Variants in ANKS3 observed in about 807,000 individuals in gnomAD.
ANKS3 encodes the protein ankyrin repeat and SAM domain-containing protein 3.
In ANKS3, 62 loss-of-function variants were observed where a neutral mutation model predicts 80.7. The observed-to-expected ratio is 0.77, with a 90% CI of 0.63 to 0.95. The LOEUF (loss-of-function observed/expected upper bound fraction) is 0.95, where lower values mean the gene tolerates loss of function less well. Ranked by LOEUF, ANKS3 falls within the 40% of genes least tolerant of loss-of-function variation. ANKS3 has a pLI of 0.00. For synonymous variants in ANKS3, 489 were observed against 355.3 expected (o/e 1.38, Z -4.23); for missense variants, 1,150 against 883.6 (o/e 1.30, Z -3.82).
chr16:4,729,844 G>A, intron 3 of ANKS3, 136 bp downstream of exon 3: 1 of 887,324 alleles, frequency 1.1e-6, no homozygotes, highest in East Asian at 3.0e-5. Flanking sequence ...CTTACTGACA[G>A]CTGCCTGAGA....
intron 16 of ANKS3, 89 bp downstream of exon 16, chr16:4,697,244 G>C (rs777837837): frequency 3.7e-5 from 57 of 1,542,458 alleles, no homozygotes; most frequent in Non-Finnish European, 4.3e-5. Flanking sequence ...GGGGTAGAGA[G>C]ACACAAACCC....
chr16:4,726,947 G>C, intron 4 of ANKS3, 32 bp downstream of exon 4: 1 of 1,613,180 alleles, frequency 6.2e-7, no homozygotes, highest in African/African-American at 1.3e-5. Context: ...GAGCCCCTCA[G>C]GTTTCTGGGC....
At chr16:4,703,816 C>T (rs975081683) in intron 8 of ANKS3, among the ~76,000 whole-genome samples, 5 of 152,176 alleles carry the variant, frequency 3.3e-5, no homozygotes, top group Admixed American at 1.3e-4. Flanking sequence ...CACCTGAGAC[C>T]ACCACCATGA....
chr16:4,711,577 G>C (rs1273980755), intron 7 of ANKS3, among the ~76,000 whole-genome samples: 2 of 151,716 alleles, frequency 1.3e-5, no homozygotes, highest in African/African-American at 4.8e-5. Context: ...AATTATCCAG[G>C]CATGGTAGCG....
chr16:4,724,903 A>T (rs2081279546), intron 5 of ANKS3, 72 bp from the exon 6 acceptor site: 1 of 1,405,856 alleles, frequency 7.1e-7, no homozygotes, highest in South Asian at 1.2e-5. Context: ...CCTGCTGAAG[A>T]TAAACCCTGA....
At chr16:4,731,069 T>C (rs536356027) in intron 2 of ANKS3, among the ~76,000 whole-genome samples, 1 of 152,176 alleles carries the variant, frequency 6.6e-6, no homozygotes, top group Non-Finnish European at 1.5e-5. Flanking sequence ...CGTGAATGAA[T>C]TTCAAATGAT....
chr16:4,726,422 A>C (rs1188135532), intron 5 of ANKS3, among the ~76,000 whole-genome samples: 3 of 152,254 alleles, frequency 2.0e-5, no homozygotes, highest in African/African-American at 7.2e-5. Context: ...TTACAACTGT[A>C]TGACCCAGGT....
intron 15 of ANKS3, among the ~76,000 whole-genome samples, chr16:4,697,664 CG>C (rs1277121629): frequency 6.6e-6 from 1 of 152,222 alleles, no homozygotes; most frequent in African/African-American, 2.4e-5. Context: ...GGTGGGGACC[CG>C]GGTCTGGGCC....
chr16:4,698,229 C>T (rs545355636), intron 14 of ANKS3, 167 bp from the exon 15 acceptor site: 81 of 1,105,494 alleles, frequency 7.3e-5, no homozygotes, highest in African/African-American at 2.7e-4. Flanking sequence ...GGAGGGCGAC[C>T]GGTGCAGATT....
chr16:4,721,589 G>T lies in ANKS3; in HGVS notation c.573+3161C>A, dbSNP rs140378523. On this transcript the variant is annotated intron_variant, in intron 6 of 17. Transcript: ENST00000304283. ...CTGCACCACTCCACTCCAGCCTGAG[G>T]GACAGAGCAAGACCCCATCTCTTTA... Among the ~76,000 whole-genome samples the T allele has an allele frequency of 1.2e-3, 186 of 150,572 alleles. 1 individual carries two copies. The highest frequency in any genetic ancestry group is 4.2e-3 in the African/African-American group (173 of 41,340).
At chr16:4,720,489 A>G (rs77106805) in intron 6 of ANKS3, among the ~76,000 whole-genome samples, 2,942 of 150,322 alleles carry the variant, frequency 0.02, 126 homozygotes, top group Non-Finnish European at 0.031. Context: ...CTAACACCCT[A>G]AGGGGAGGGG....
At chr16:4,715,494 G>A (rs563607528) in intron 6 of ANKS3, among the ~76,000 whole-genome samples, 4 of 152,286 alleles carry the variant, frequency 2.6e-5, no homozygotes, top group African/African-American at 9.6e-5. Context: ...TACTCAGGAG[G>A]CTGAGGCAGG....
chr16:4,720,413 G>A (rs1354532700), intron 6 of ANKS3, among the ~76,000 whole-genome samples: 1 of 149,984 alleles, frequency 6.7e-6, no homozygotes, highest in Non-Finnish European at 1.5e-5. Context: ...AGTGAGCCGA[G>A]ATCGCGCCAC....
At chr16:4,712,737 T>C (rs1157165789) in intron 7 of ANKS3, among the ~76,000 whole-genome samples, 2 of 152,254 alleles carry the variant, frequency 1.3e-5, no homozygotes, top group East Asian at 3.9e-4. Flanking sequence ...TCCACTAAGA[T>C]CAGGACCAAG....
At chr16:4,709,018 C>G (rs1384719456) in intron 7 of ANKS3, among the ~76,000 whole-genome samples, 1 of 151,812 alleles carries the variant, frequency 6.6e-6, no homozygotes, top group Non-Finnish European at 1.5e-5. Flanking sequence ...ATAATCTCAG[C>G]ACTGTGGGAG....
At chr16:4,731,833 C>T (rs1185183882) in intron 1 of ANKS3, among the ~76,000 whole-genome samples, 2 of 152,048 alleles carry the variant, frequency 1.3e-5, no homozygotes, top group Admixed American at 6.6e-5. Flanking sequence ...GATGGGCCTA[C>T]ATGGGTAACG....
In ANKS3 at chr16:4,724,774, T is replaced by G. The variant is rs35182782; in HGVS notation, c.549A>C (p.Ile183=). The G allele has an allele frequency of 0.027, 42,915 of 1,613,882 alleles. 709 individuals are homozygous for G. The highest frequency in any genetic ancestry group is 0.032 in the Non-Finnish European group (37,200 of 1,179,862). Residue 183 remains isoleucine, a synonymous_variant, in exon 6 of 18, where the codon ATA becomes ATC. Coordinates refer to ENST00000304283, the MANE Select transcript of ANKS3 (RefSeq NM_133450.4). Reference sequence around the variant, plus strand: ...CGTGATTCAGAAAATACTGCACGATTATCTCATGGCCAGCAGCAGCTGCTT... The same window carrying G: ...CGTGATTCAGAAAATACTGCACGATGATCTCATGGCCAGCAGCAGCTGCTT... ...LMEAAAAGHE[I]IVQYFLNHGV...
At chr16:4,699,017 C>G in intron 12 of ANKS3, 35 bp downstream of exon 12, 3 of 1,614,132 alleles carry the variant, frequency 1.9e-6, no homozygotes, top group Non-Finnish European at 2.5e-6. Flanking sequence ...GCCCCAACCC[C>G]GGGCTGAGGG....
Position 4,699,077 on chromosome 16 carries a change from T to A in ANKS3, c.1384A>T (p.Ser462Cys), listed in dbSNP as rs745383444. The A allele has an allele frequency of 1.2e-6, 2 of 1,614,064 alleles. No individual in the cohort carries two copies. The highest frequency in any genetic ancestry group is 1.3e-5 in the African/African-American group (1 of 75,018). ...GTGATGCCAATTTCCTTCAGGTCGC[T>A]CTCAGTGAGGGTCAGAAAGATGCGG... is the stretch of plus-strand genomic sequence containing the variant. Reference protein sequence around the residue: ...DLRIFLTLTESDLKEIGITLF... With the variant: ...DLRIFLTLTECDLKEIGITLF... The change falls in exon 12 of 18, where the codon AGC (serine) becomes TGC (cysteine). Residue 462 changes from serine to cysteine, a missense_variant. Physicochemically the swap from Ser to Cys is moderately radical, Grantham distance 112. Transcript: ENST00000304283.
Sources: allele counts gnomAD v4.1 joint callset (sites outside exome capture counted in the v4.1 genomes callset), GRCh38; gene constraint gnomAD v4.1.1; transcripts MANE v1.5; gene names NCBI Gene and HGNC (gene_info 2026-07-23, HGNC 2026-07-21).